Variants in STPG2 observed in about 807,000 individuals in gnomAD.
STPG2 encodes sperm tail PG-rich repeat containing 2.
A neutral mutation model predicts 54.2 loss-of-function variants in STPG2; 56 were observed. That is an observed-to-expected ratio of 1.03 (90% CI 0.83 to 1.29). STPG2 has a LOEUF of 1.29. STPG2 is among the 50% of genes most tolerant of loss of function. The pLI, the probability that STPG2 is intolerant of heterozygous loss-of-function variation, is 0.00. For missense variants in STPG2, 596 were observed against 544.9 expected, an observed-to-expected ratio of 1.09 and a Z score of -0.93; for synonymous variants, 200 against 181.8, an observed-to-expected ratio of 1.10 and a Z score of -0.81.
chr4:98,087,080 G>T (rs542106323), intron 5 of STPG2, among the ~76,000 whole-genome samples: 12 of 152,134 alleles, frequency 7.9e-5, no homozygotes, highest in Non-Finnish European at 1.0e-4. Context: ...TTGGGTGATT[G>T]TTATACAGAC....
chr4:97,880,327 C>T (rs1730324829), intron 8 of STPG2, among the ~76,000 whole-genome samples: 1 of 151,994 alleles, frequency 6.6e-6, no homozygotes. Context: ...TAAATAATAA[C>T]AATAAAAAAG....
chr4:97,774,652 T>G (rs888199149), intron 9 of STPG2, among the ~76,000 whole-genome samples: 1 of 152,160 alleles, frequency 6.6e-6, no homozygotes, highest in Non-Finnish European at 1.5e-5. Flanking sequence ...ACAGTTAGGA[T>G]TAGGTTTGGG....
intron 5 of STPG2, among the ~76,000 whole-genome samples, chr4:98,029,904 A>G (rs1323976004): frequency 6.6e-6 from 1 of 152,096 alleles, no homozygotes; most frequent in Non-Finnish European, 1.5e-5. Context: ...CCCAAATGCA[A>G]TATATATTAT....
chr4:97,465,101 C>A (rs1175476589), intron 4 of STPG2, among the ~76,000 whole-genome samples: 2 of 152,120 alleles, frequency 1.3e-5, no homozygotes, highest in African/African-American at 2.4e-5. Flanking sequence ...AGAGAAAGCA[C>A]ATGAATATGT....
In STPG2 at chr4:97,736,548, G is replaced by A. The variant is rs544902583; in HGVS notation, c.1205-23734C>T. 1.5e-4 allele frequency among the ~76,000 whole-genome samples: 23 copies of A among 152,268 alleles called. No homozygotes were observed. The South Asian group carries it at 4.8e-3, about 32-fold the overall frequency. On this transcript the variant is annotated intron_variant, in intron 9 of 10. Coordinates refer to ENST00000295268, the MANE Select transcript of STPG2 (RefSeq NM_174952.3). ...AACGGGCTTAAAAAACGGCACACCA[G>A]GAGATTATATCCCGCACCTGGCTCA... is the stretch of plus-strand genomic sequence containing the variant.
intron 5 of STPG2, among the ~76,000 whole-genome samples, chr4:98,035,748 A>G (rs1736755218): frequency 6.6e-6 from 1 of 152,234 alleles, no homozygotes; most frequent in African/African-American, 2.4e-5. Context: ...CATATACACC[A>G]TGGAATACTA....
chr4:97,803,358 G>A (rs2149091566), intron 9 of STPG2, among the ~76,000 whole-genome samples: 1 of 152,238 alleles, frequency 6.6e-6, no homozygotes, highest in South Asian at 2.1e-4. Context: ...CAATGTGATT[G>A]TATCTGTAAG....
chr4:97,914,979 C>T (rs949766320), intron 8 of STPG2, among the ~76,000 whole-genome samples: 7 of 152,248 alleles, frequency 4.6e-5, no homozygotes, highest in East Asian at 1.9e-4. Flanking sequence ...TATTATAGCA[C>T]GTCAGAATTT....
chr4:97,539,160 T>A (rs1731624119), intron 4 of STPG2, among the ~76,000 whole-genome samples: 1 of 152,176 alleles, frequency 6.6e-6, no homozygotes, highest in African/African-American at 2.4e-5. Flanking sequence ...CCAGCTAACA[T>A]CATAATGACA....
At chr4:97,896,586 G>A (rs1005190274) in intron 8 of STPG2, among the ~76,000 whole-genome samples, 10 of 151,670 alleles carry the variant, frequency 6.6e-5, no homozygotes, top group Admixed American at 6.6e-4. Flanking sequence ...ATGGATGGTT[G>A]CCGAATTTAA....
At chr4:97,599,056 CA>C (rs1347109432) in intron 10 of STPG2, among the ~76,000 whole-genome samples, 1 of 152,092 alleles carries the variant, frequency 6.6e-6, no homozygotes, top group African/African-American at 2.4e-5. Context: ...GTAACTTAAA[CA>C]ATTCTACAAG....
intron 9 of STPG2, among the ~76,000 whole-genome samples, chr4:97,839,417 G>C (rs984786243): frequency 6.6e-6 from 1 of 151,560 alleles, no homozygotes; most frequent in African/African-American, 2.4e-5. Context: ...TTATGCAGAG[G>C]AGAGTAAAGG....
intron 5 of STPG2, among the ~76,000 whole-genome samples, chr4:98,051,030 A>T (rs1031126658): frequency 2.0e-5 from 3 of 151,934 alleles, no homozygotes; most frequent in African/African-American, 7.3e-5. Context: ...AAAAAGGAAA[A>T]AAATTGATGT....
intron 5 of STPG2, among the ~76,000 whole-genome samples, chr4:98,094,333 T>A (rs1738782036): frequency 6.6e-6 from 1 of 152,178 alleles, no homozygotes. Context: ...TAAAGAGCCC[T>A]TGGGCCCTGA....
rs983296336 is a variant in STPG2, at chr4:97,838,045, T to C, written c.1204+2728A>G. Reference sequence around the variant, plus strand: ...AATGTCATGACCCAAGTAACAAATATGCATATCATGTTCTCCAAATTAAGT... The same window carrying C: ...AATGTCATGACCCAAGTAACAAATACGCATATCATGTTCTCCAAATTAAGT... On this transcript the variant is annotated intron_variant, in intron 9 of 10. Transcript: ENST00000295268. Among the ~76,000 whole-genome samples the C allele has an allele frequency of 7.3e-5, 11 of 151,552 alleles. No homozygotes were observed. In the South Asian group the frequency reaches 1.2e-3, roughly 17 times the overall value.
chr4:97,634,153 G>T (rs1333528449), intron 10 of STPG2, among the ~76,000 whole-genome samples: 1 of 152,186 alleles, frequency 6.6e-6, no homozygotes, highest in Non-Finnish European at 1.5e-5. Context: ...CTGAGAACGG[G>T]CAGACTGCCT....
At chr4:98,117,956 G>C (rs10470894) in intron 3 of STPG2, among the ~76,000 whole-genome samples, 3 of 151,766 alleles carry the variant, frequency 2.0e-5, no homozygotes, top group Non-Finnish European at 4.4e-5. Flanking sequence ...TTCTTTTTCT[G>C]TATATGGGCC....
At chr4:97,616,499 TAG>T (rs991536634) in intron 10 of STPG2, among the ~76,000 whole-genome samples, 14 of 152,156 alleles carry the variant, frequency 9.2e-5, no homozygotes, top group African/African-American at 3.1e-4. Flanking sequence ...CAGAAGGCTT[TAG>T]AGTTTCATTT....
Position 98,109,324 on chromosome 4 carries a change from T to G in STPG2, c.388-19A>C. 6.4e-7 allele frequency: 1 copy of G among 1,554,008 alleles called. No homozygotes were observed. The highest frequency in any genetic ancestry group is 1.1e-5 in the South Asian group (1 of 87,274). On this transcript the variant is annotated intron_variant, in intron 3 of 10. Coordinates refer to ENST00000295268, the MANE Select transcript of STPG2 (RefSeq NM_174952.3). ...AAACATCCTAAAAAATAAAAAGTTT[T>G]AAAAAGTGAGGATGAAACATAGTTT...
Sources: allele counts gnomAD v4.1 joint callset (sites outside exome capture counted in the v4.1 genomes callset), GRCh38; gene constraint gnomAD v4.1.1; transcripts MANE v1.5; gene names NCBI Gene and HGNC (gene_info 2026-07-23, HGNC 2026-07-21).